Variants in JAK2 observed in about 807,000 individuals in gnomAD.
JAK2 encodes the protein Janus kinase 2, also known as tyrosine-protein kinase JAK2.
A neutral mutation model predicts 139.3 loss-of-function variants in JAK2; 86 were observed. The observed-to-expected ratio is 0.62, with a 90% CI of 0.52 to 0.74. JAK2 has a LOEUF of 0.74. Among genes scored for constraint, JAK2 ranks in the 30% least tolerant of loss-of-function variants. The pLI is 0.00. For synonymous variants in JAK2, 490 were observed against 437.7 expected, an observed-to-expected ratio of 1.12 and a Z score of -1.49; for missense variants, 1,421 against 1,360.3, an observed-to-expected ratio of 1.04 and a Z score of -0.70.
intron 2 of JAK2, among the ~76,000 whole-genome samples, chr9:5,018,411 C>A (rs1218363593): frequency 6.6e-6 from 1 of 152,176 alleles, no homozygotes; most frequent in Non-Finnish European, 1.5e-5. Context: ...TCATGGCTCA[C>A]TGCAGCCTCG....
intron 2 of JAK2, among the ~76,000 whole-genome samples, chr9:5,000,484 A>G (rs1237662831): frequency 6.6e-6 from 1 of 152,246 alleles, no homozygotes; most frequent in Admixed American, 6.5e-5. Context: ...GAAGCGTAAC[A>G]TAAAAATGAA....
In JAK2 at chr9:5,098,283, C is replaced by T. The variant is rs937225049; in HGVS notation, c.3059+7372C>T. 6 of 152,254 alleles carry T rather than the reference C, an allele frequency of 3.9e-5. No homozygotes were observed. In the East Asian group the frequency reaches 1.2e-3, roughly 29 times the overall value. 9.4% of individuals were successfully genotyped at this position (152,254 alleles called of 1,614,324 possible). On this transcript the variant is annotated intron_variant, in intron 22 of 24. Coordinates refer to ENST00000381652, the MANE Select transcript of JAK2 (RefSeq NM_004972.4). Reference sequence around the variant, plus strand: ...TGTGACTTTCTCGATAAGATATTAGCAAATTCATTACGTAACTTTGTCAAA... The same window carrying T: ...TGTGACTTTCTCGATAAGATATTAGTAAATTCATTACGTAACTTTGTCAAA...
chr9:5,032,308 CTCCACCTCTGGGGGCAGGGCA>C (rs1201029488), intron 4 of JAK2, among the ~76,000 whole-genome samples: 1 of 152,256 alleles, frequency 6.6e-6, no homozygotes, highest in Non-Finnish European at 1.5e-5. Context: ...CCTCTGTAGA[CTCCACCTCTGGGGGCAGGGCA>C]TAGCCAAACA....
At chr9:5,053,272 T>C (rs1189294500) in intron 6 of JAK2, among the ~76,000 whole-genome samples, 1 of 152,124 alleles carries the variant, frequency 6.6e-6, no homozygotes, top group Non-Finnish European at 1.5e-5. Context: ...TTGTATGCCT[T>C]CTGTAGAGAA....
At chr9:5,091,637 T>G (rs1820581951) in intron 22 of JAK2, 1 of 152,144 alleles carries the variant, frequency 6.6e-6, no homozygotes, top group Admixed American at 6.5e-5. Flanking sequence ...TTAGGCCTTT[T>G]TGGTCAGATA....
chr9:5,000,669 T>A (rs1263295834), intron 2 of JAK2, among the ~76,000 whole-genome samples: 1 of 152,182 alleles, frequency 6.6e-6, no homozygotes, highest in Non-Finnish European at 1.5e-5. Context: ...GCTCAAAACA[T>A]TTTTTTAGTG....
At chr9:5,041,279 G>T in intron 4 of JAK2, 2 of 1,082,346 alleles carry the variant, frequency 1.8e-6, no homozygotes, top group Admixed American at 1.9e-5. Context: ...GCTGGCCAAG[G>T]GGTACACTGG....
At chr9:5,040,986 G>A in intron 4 of JAK2, 2 of 621,350 alleles carry the variant, frequency 3.2e-6, no homozygotes. Flanking sequence ...CTATCAAATT[G>A]GAGCTGATCA....
At chr9:5,002,053 A>C (rs1820956445) in intron 2 of JAK2, among the ~76,000 whole-genome samples, 2 of 151,922 alleles carry the variant, frequency 1.3e-5, no homozygotes, top group South Asian at 4.1e-4. Flanking sequence ...ACATATTGGT[A>C]ATATGTGTTC....
chr9:5,005,107 T>A (rs1441925597), intron 2 of JAK2, among the ~76,000 whole-genome samples: 1 of 110,626 alleles, frequency 9.0e-6, no homozygotes, highest in Non-Finnish European at 1.9e-5. Context: ...TTTTTTTTTT[T>A]TTTTTTTTTT....
intron 6 of JAK2, among the ~76,000 whole-genome samples, chr9:5,052,868 T>C (rs1271331058): frequency 1.3e-5 from 2 of 152,116 alleles, no homozygotes; most frequent in African/African-American, 2.4e-5. Context: ...TATATAGATA[T>C]ACCACATTTT....
chr9:5,019,244 C>CT (rs1196749803), intron 2 of JAK2, among the ~76,000 whole-genome samples: 5 of 152,138 alleles, frequency 3.3e-5, no homozygotes, highest in African/African-American at 1.2e-4. Flanking sequence ...TTTGTTCATT[C>CT]TTTTTTCTTT....
chr9:5,066,774 GA>G lies in JAK2; in HGVS notation c.1312del (p.Thr438LeufsTer16). 2 of 1,547,694 alleles carry G rather than the reference GA, an allele frequency of 1.3e-6. No individual in the cohort carries two copies. The highest frequency in any genetic ancestry group is 2.4e-5 in the South Asian group (2 of 81,904). ...SPKDFNKYFLTFAVERENVIE... is the reference protein window; with the variant it reads ...SPKDFNKYFLXFAVERENVIE... The stretch of plus-strand genomic sequence containing the variant: ...CTAAGGACTTTAATAAATATTTTTT[GA>G]CTTTTGCTGTCGAGGTTAGTATGTC... On this transcript the variant is annotated frameshift_variant, in exon 10 of 25. Transcript: ENST00000381652. LOFTEE classifies it high-confidence loss of function.
At chr9:5,070,522 A>G (rs1489653320) in intron 12 of JAK2, among the ~76,000 whole-genome samples, 1 of 152,100 alleles carries the variant, frequency 6.6e-6, no homozygotes, top group Admixed American at 6.6e-5. Flanking sequence ...CTCTATATAC[A>G]TGGGTTTTGC....
intron 22 of JAK2, chr9:5,109,891 G>A (rs1822300512): frequency 6.6e-6 from 1 of 152,076 alleles, no homozygotes; most frequent in African/African-American, 2.4e-5. Flanking sequence ...CTCTTTATCG[G>A]ATGAGAAGGT....
intron 2 of JAK2, among the ~76,000 whole-genome samples, chr9:5,019,958 C>T (rs888980585): frequency 1.3e-5 from 2 of 152,130 alleles, no homozygotes; most frequent in African/African-American, 4.8e-5. Context: ...ACATTAGCCC[C>T]AGGGTGGCTT....
rs1038207109 is a variant in JAK2 at position 5,128,175 on chromosome 9, C to CTTACT, written c.*1388_*1392dup. 4 of 230,522 alleles carry CTTACT rather than the reference C, an allele frequency of 1.7e-5. No individual in the cohort carries two copies. Among genetic ancestry groups the CTTACT allele is most frequent in the African/African-American group, 8.9e-5 (4 of 44,722 alleles). 14.3% of individuals were successfully genotyped at this position (230,522 alleles called of 1,614,324 possible). ...GTTTTGATTAAAAAGAAAATAGTTT[C>CTTACT]TTACTTTATTTTTACTGGTATGTTC... On this transcript the variant is annotated 3_prime_UTR_variant, in exon 25 of 25. Transcript: ENST00000381652.
At chr9:5,040,976 C>T in intron 4 of JAK2, 2 of 592,544 alleles carry the variant, frequency 3.4e-6, no homozygotes, top group East Asian at 3.7e-5. Flanking sequence ...AAATATGTGG[C>T]TATCAAATTG....
chr9:4,998,433 T>G (rs1180688566), intron 2 of JAK2, among the ~76,000 whole-genome samples: 1 of 152,100 alleles, frequency 6.6e-6, no homozygotes, highest in Non-Finnish European at 1.5e-5. Context: ...ATTTTTGTAT[T>G]TTTAGTAGAG....
Sources: allele counts gnomAD v4.1 joint callset (sites outside exome capture counted in the v4.1 genomes callset), GRCh38; gene constraint gnomAD v4.1.1; transcripts MANE v1.5; gene names NCBI Gene and HGNC (gene_info 2026-07-23, HGNC 2026-07-21).